TENM2: variants seen among roughly 807,000 people sequenced by gnomAD.
The protein encoded by TENM2 is teneurin-2.
TENM2 carries 52 observed loss-of-function variants against 245.2 expected under a neutral mutation model. That is an observed-to-expected ratio of 0.21 (90% CI 0.17 to 0.27). TENM2 has a LOEUF of 0.27. Among genes scored for constraint, TENM2 ranks in the 10% least tolerant of loss-of-function variants. TENM2 has a pLI of 1.00. For synonymous variants in TENM2, 1,363 were observed against 1,438.9 expected (o/e 0.95, Z 1.19); for missense variants, 3,046 against 3,666.8 (o/e 0.83, Z 4.37).
At chr5:167,018,422 C>CA in the TENM2 span, among the ~76,000 whole-genome samples, 3 of 148,590 alleles carry the variant, frequency 2.0e-5, no homozygotes, top group South Asian at 2.1e-4. Flanking sequence ...CAAAAAAACA[C>CA]AAAAAAACAA....
chr5:167,030,964 A>G, the TENM2 span, among the ~76,000 whole-genome samples: 1 of 152,206 alleles, frequency 6.6e-6, no homozygotes, highest in Non-Finnish European at 1.5e-5. Context: ...CGGGCTCTGC[A>G]TCAGAATCAC....
chr5:167,966,464 G>A (rs1781394223), intron 4 of TENM2, among the ~76,000 whole-genome samples: 1 of 152,142 alleles, frequency 6.6e-6, no homozygotes, highest in Non-Finnish European at 1.5e-5. Flanking sequence ...TTGCTGAGTG[G>A]TATCTAAGGA....
At chr5:167,701,297 G>A (rs1758125322) in intron 2 of TENM2, among the ~76,000 whole-genome samples, 2 of 152,076 alleles carry the variant, frequency 1.3e-5, no homozygotes, top group African/African-American at 2.4e-5. Context: ...TTTGGACTTG[G>A]CTAAATATGT....
chr5:168,017,833 G>A (rs1185643380), intron 5 of TENM2, among the ~76,000 whole-genome samples: 9 of 152,098 alleles, frequency 5.9e-5, no homozygotes, highest in African/African-American at 1.4e-4. Flanking sequence ...TGACTTCATC[G>A]ATCTTTATGC....
intron 2 of TENM2, among the ~76,000 whole-genome samples, chr5:167,648,915 T>G (rs1242837765): frequency 6.6e-6 from 1 of 152,182 alleles, no homozygotes; most frequent in Non-Finnish European, 1.5e-5. Flanking sequence ...GCTCGGTCTG[T>G]GGCCCCTCCC....
At chr5:167,801,108 AAATATATATATATATAT>A (rs1271469027) in intron 2 of TENM2, among the ~76,000 whole-genome samples, 45 of 55,856 alleles carry the variant, frequency 8.1e-4, no homozygotes, top group African/African-American at 2.7e-3. Flanking sequence ...AAAAAAAAAA[AAATATATATATATATAT>A]ATATATATAT....
chr5:167,097,511 G>T, the TENM2 span, among the ~76,000 whole-genome samples: 1 of 151,972 alleles, frequency 6.6e-6, no homozygotes, highest in Non-Finnish European at 1.5e-5. Context: ...CCGGGCACTC[G>T]CCTGCAGGTA....
At chr5:167,256,439 G>T in the TENM2 span, among the ~76,000 whole-genome samples, 4 of 152,134 alleles carry the variant, frequency 2.6e-5, no homozygotes, top group Non-Finnish European at 4.4e-5. Flanking sequence ...TGGAGCAATT[G>T]TGATAGTGAG....
At chr5:167,707,494 T>A (rs1758615978) in intron 2 of TENM2, among the ~76,000 whole-genome samples, 1 of 152,216 alleles carries the variant, frequency 6.6e-6, no homozygotes, top group Non-Finnish European at 1.5e-5. Flanking sequence ...CCATTTCCAA[T>A]GTGTTTGTGG....
intron 9 of TENM2, among the ~76,000 whole-genome samples, chr5:168,107,181 G>A (rs758311624): frequency 1.3e-5 from 2 of 151,314 alleles, no homozygotes; most frequent in Admixed American, 6.6e-5. Flanking sequence ...CTCCTGTTCC[G>A]ATGACCTCCA....
chr5:167,351,774 AG>A, intron 1 of TENM2, among the ~76,000 whole-genome samples: 1 of 152,256 alleles, frequency 6.6e-6, no homozygotes, highest in Middle Eastern at 3.4e-3. Flanking sequence ...TCATTATTTA[AG>A]GGGCAGCTGT....
chr5:167,649,202 T>G (rs895574554), intron 2 of TENM2, among the ~76,000 whole-genome samples: 2 of 152,176 alleles, frequency 1.3e-5, no homozygotes, highest in Non-Finnish European at 2.9e-5. Flanking sequence ...TGCTACCATC[T>G]CTTGCAACAC....
intron 5 of TENM2, among the ~76,000 whole-genome samples, chr5:168,034,446 G>A (rs1436409084): frequency 1.3e-5 from 2 of 151,694 alleles, no homozygotes; most frequent in East Asian, 3.9e-4. Context: ...AAATATCCAG[G>A]GAAGGCCAAG....
intron 3 of TENM2, among the ~76,000 whole-genome samples, chr5:167,889,095 C>T (rs956041247): frequency 6.6e-6 from 1 of 151,988 alleles, no homozygotes; most frequent in Admixed American, 6.6e-5. Flanking sequence ...CAAAACAAAA[C>T]AAACAAAAAA....
intron 2 of TENM2, among the ~76,000 whole-genome samples, chr5:167,510,090 A>C (rs925107356): frequency 6.6e-6 from 1 of 152,192 alleles, no homozygotes; most frequent in Non-Finnish European, 1.5e-5. Context: ...CTAGCACAGC[A>C]CTTGGCACAG....
intron 2 of TENM2, among the ~76,000 whole-genome samples, chr5:167,813,861 A>G (rs932761183): frequency 6.6e-6 from 1 of 152,084 alleles, no homozygotes; most frequent in Non-Finnish European, 1.5e-5. Flanking sequence ...CCACCATCCT[A>G]CATATTACAA....
At chr5:167,492,564 A>G (rs1033420979) in intron 2 of TENM2, among the ~76,000 whole-genome samples, 4 of 152,094 alleles carry the variant, frequency 2.6e-5, no homozygotes, top group African/African-American at 7.2e-5. Context: ...TAGAATTTAT[A>G]TGGCTATTTT....
chr5:167,633,356 A>G (rs1451740292), intron 2 of TENM2, among the ~76,000 whole-genome samples: 1 of 152,170 alleles, frequency 6.6e-6, no homozygotes, highest in East Asian at 1.9e-4. Flanking sequence ...AGAAGAATAA[A>G]TGATTAAGGT....
Position 168,247,002 on chromosome 5 carries a change from G to T in TENM2, c.6063G>T (p.Lys2021Asn), listed in dbSNP as rs1766634395. ...GCACCGGACGCCAGGTGTTCTACAA[G>T]TATGGGAAACTCTCCAAGTTATCAG... Residue 2021 changes from lysine (K) to asparagine (N), a missense_variant, in exon 27 of 29, where the codon AAG becomes AAT. Lys to Asn is a moderately conservative substitution (Grantham distance 94). Coordinates refer to ENST00000518659, the Ensembl canonical transcript of TENM2. The surrounding 1 kb of genome is among the most constrained non-coding windows in gnomAD (Gnocchi z 7.8). The T allele has an allele frequency of 6.2e-7, 1 of 1,613,982 alleles. No homozygotes were observed. The highest frequency in any genetic ancestry group is 8.5e-7 in the Non-Finnish European group (1 of 1,179,900).
Sources: allele counts gnomAD v4.1 joint callset (sites outside exome capture counted in the v4.1 genomes callset), GRCh38; gene constraint gnomAD v4.1.1; non-coding constraint Gnocchi (gnomAD v3.1); transcripts MANE v1.5; gene names NCBI Gene and HGNC (gene_info 2026-07-23, HGNC 2026-07-21).